The following CCDC178 variants were observed in gnomAD, a reference collection of about 807,000 sequenced individuals.
The protein encoded by CCDC178 is coiled-coil domain containing 178.
CCDC178 carries 126 observed loss-of-function variants against 117.4 expected under a neutral mutation model. The observed-to-expected ratio is 1.07, with a 90% CI of 0.93 to 1.24. The LOEUF (loss-of-function observed/expected upper bound fraction) is 1.24, where lower values mean the gene tolerates loss of function less well. Ranked by LOEUF, CCDC178 falls within the 50% of genes most tolerant of loss-of-function variation. The pLI, the probability that CCDC178 is intolerant of heterozygous loss-of-function variation, is 0.00. For synonymous variants in CCDC178, 283 were observed against 313.4 expected, an observed-to-expected ratio of 0.90 and a Z score of 1.02; for missense variants, 1,030 against 986.9, an observed-to-expected ratio of 1.04 and a Z score of -0.59.
At chr18:33,328,566 C>CT (rs1315872047) in intron 10 of CCDC178, among the ~76,000 whole-genome samples, 8 of 152,226 alleles carry the variant, frequency 5.3e-5, no homozygotes, top group African/African-American at 1.9e-4. Context: ...AGAGGCTACA[C>CT]TTTCTTTCAA....
chr18:33,249,995 G>T (rs2059600256), intron 14 of CCDC178, among the ~76,000 whole-genome samples: 1 of 151,918 alleles, frequency 6.6e-6, no homozygotes, highest in African/African-American at 2.4e-5. Context: ...TCCCTTGTAA[G>T]TTGGATTCCT....
intron 22 of CCDC178, among the ~76,000 whole-genome samples, chr18:32,955,405 C>CT: frequency 6.6e-6 from 1 of 152,056 alleles, no homozygotes; most frequent in Non-Finnish European, 1.5e-5. Flanking sequence ...CTCTGTTTGT[C>CT]TTTTGTATGG....
intron 22 of CCDC178, among the ~76,000 whole-genome samples, chr18:32,962,971 C>T (rs762059018): frequency 1.3e-5 from 2 of 151,806 alleles, no homozygotes; most frequent in Non-Finnish European, 2.9e-5. Flanking sequence ...AAATATCAAC[C>T]CTAAATTAGC....
intron 22 of CCDC178, among the ~76,000 whole-genome samples, chr18:32,973,187 A>G (rs1046334129): frequency 6.6e-6 from 1 of 152,180 alleles, no homozygotes; most frequent in Non-Finnish European, 1.5e-5. Context: ...TGATATTCAA[A>G]TAATTTCTAA....
chr18:33,394,971 A>G (rs867126625), intron 4 of CCDC178, among the ~76,000 whole-genome samples: 13 of 135,436 alleles, frequency 9.6e-5, no homozygotes, highest in East Asian at 2.1e-4. Flanking sequence ...ATATATATAT[A>G]TATATATATA....
chr18:33,195,133 G>A (rs1289478600), intron 20 of CCDC178, among the ~76,000 whole-genome samples: 1 of 150,310 alleles, frequency 6.7e-6, no homozygotes, highest in Middle Eastern at 3.2e-3. Flanking sequence ...AAAAAAGAGA[G>A]AGAGAGAGAG....
intron 20 of CCDC178, among the ~76,000 whole-genome samples, chr18:33,208,237 G>T (rs1361955019): frequency 6.6e-6 from 1 of 152,028 alleles, no homozygotes; most frequent in African/African-American, 2.4e-5. Flanking sequence ...CAGTAAAATA[G>T]TCTTTGCGAC....
At chr18:32,948,937 T>C (rs1003588914) in intron 22 of CCDC178, among the ~76,000 whole-genome samples, 2 of 152,072 alleles carry the variant, frequency 1.3e-5, no homozygotes, top group Non-Finnish European at 2.9e-5. Flanking sequence ...AGTGCAGGTC[T>C]GCTGGTGATG....
At chr18:33,280,190 C>A (rs1235876585) in intron 12 of CCDC178, among the ~76,000 whole-genome samples, 1 of 151,988 alleles carries the variant, frequency 6.6e-6, no homozygotes, top group Admixed American at 6.6e-5. Flanking sequence ...AGAAAATTTT[C>A]GCAACCTATT....
intron 20 of CCDC178, among the ~76,000 whole-genome samples, chr18:33,145,138 T>C (rs1004046403): frequency 3.3e-5 from 5 of 152,208 alleles, no homozygotes; most frequent in African/African-American, 9.6e-5. Flanking sequence ...TGATCTAAAA[T>C]ACTTTTTAAA....
In CCDC178 at chr18:33,072,153, G is replaced by T. The variant is rs1434915283; in HGVS notation, c.2388+20608C>A. Reference sequence around the variant, plus strand: ...GGTTACTAATACTATACTTTTAAATGAATTCAGAGAGAAAATTTGGTCTTT... The same window carrying T: ...GGTTACTAATACTATACTTTTAAATTAATTCAGAGAGAAAATTTGGTCTTT... On this transcript the variant is annotated intron_variant, in intron 21 of 22. Transcript: ENST00000383096. Among the ~76,000 whole-genome samples, 8 of 152,110 alleles carry T rather than the reference G, an allele frequency of 5.3e-5. No homozygotes were observed. In the East Asian group the frequency reaches 1.5e-3, roughly 29 times the overall value.
At chr18:33,422,899 T>G (rs1208978830) in intron 2 of CCDC178, among the ~76,000 whole-genome samples, 1 of 152,228 alleles carries the variant, frequency 6.6e-6, no homozygotes, top group African/African-American at 2.4e-5. Context: ...ATTAGAATAT[T>G]TACTTGTTTC....
At chr18:33,200,794 T>A (rs1461154902) in intron 20 of CCDC178, among the ~76,000 whole-genome samples, 1 of 152,212 alleles carries the variant, frequency 6.6e-6, no homozygotes, top group African/African-American at 2.4e-5. Flanking sequence ...TGTTACACCT[T>A]ATTTTAATTG....
chr18:33,383,070 G>C (rs1303367264), intron 5 of CCDC178, among the ~76,000 whole-genome samples: 1 of 152,184 alleles, frequency 6.6e-6, no homozygotes, highest in Non-Finnish European at 1.5e-5. Context: ...ACAGTGCTAA[G>C]GAGATGAGGA....
rs57033642 is a variant in CCDC178 at position 33,087,566 on chromosome 18, T to TTGTGTGTGTGTG, written c.2388+5183_2388+5194dup. ...TCTAAGAAACAGGGGCCAAAGCCATTTGTGTGTGTGTGTGTGTGTGTGTGT... is the reference window on the plus strand; with the variant it reads ...TCTAAGAAACAGGGGCCAAAGCCATTTGTGTGTGTGTGTGTGTGTGTGTGTGTGTGTGTGTGT... On this transcript the variant is annotated intron_variant, in intron 21 of 22. Transcript: ENST00000383096. Among the ~76,000 whole-genome samples the TTGTGTGTGTGTG allele has an allele frequency of 9.4e-4, 137 of 146,122 alleles. 1 individual carries two copies. Among genetic ancestry groups the TTGTGTGTGTGTG allele is most frequent in the Middle Eastern group, 3.5e-3 (1 of 288 alleles).
At chr18:33,188,968 T>C (rs1172695338) in intron 20 of CCDC178, among the ~76,000 whole-genome samples, 2 of 152,190 alleles carry the variant, frequency 1.3e-5, no homozygotes, top group Non-Finnish European at 2.9e-5. Context: ...AACTTCCATC[T>C]GGTCATTTTG....
chr18:33,262,064 A>C (rs2059757312), intron 14 of CCDC178, among the ~76,000 whole-genome samples: 1 of 152,148 alleles, frequency 6.6e-6, no homozygotes, highest in South Asian at 2.1e-4. Context: ...AAGGCCATTA[A>C]CTATATTTAT....
At chr18:33,373,984 T>C (rs1175886598) in intron 5 of CCDC178, among the ~76,000 whole-genome samples, 3 of 152,142 alleles carry the variant, frequency 2.0e-5, no homozygotes, top group African/African-American at 7.2e-5. Context: ...AATGGGCAGT[T>C]CAAGGTTTTC....
chr18:33,346,167 G>T, intron 9 of CCDC178, 44 bp downstream of exon 9: 2 of 1,391,630 alleles, frequency 1.4e-6, no homozygotes, highest in Non-Finnish European at 2.0e-6. Flanking sequence ...AATTATCTGT[G>T]CCCCCAACAG....
Sources: allele counts gnomAD v4.1 joint callset (sites outside exome capture counted in the v4.1 genomes callset), GRCh38; gene constraint gnomAD v4.1.1; transcripts MANE v1.5; gene names NCBI Gene and HGNC (gene_info 2026-07-23, HGNC 2026-07-21).